The following JAK2 variants were observed in gnomAD, a reference collection of about 807,000 sequenced individuals.
JAK2 encodes the protein Janus kinase 2.
Under a neutral mutation model 139.3 loss-of-function variants are expected in JAK2, and 86 were observed. The observed-to-expected ratio is 0.62, with a 90% CI of 0.52 to 0.74. The LOEUF is 0.74. Among genes scored for constraint, JAK2 ranks in the 30% least tolerant of loss-of-function variants. The probability of loss-of-function intolerance (pLI) is 0.00; values close to 1 mark genes in which losing one functional copy is unlikely to be tolerated. For synonymous variants in JAK2, 490 were observed against 437.7 expected, an observed-to-expected ratio of 1.12 and a Z score of -1.49; for missense variants, 1,421 against 1,360.3, an observed-to-expected ratio of 1.04 and a Z score of -0.70.
At chr9:5,005,771 A>G (rs117324436) in intron 2 of JAK2, among the ~76,000 whole-genome samples, 8,905 of 152,232 alleles carry the variant, frequency 0.058, 345 homozygotes, top group Non-Finnish European at 0.081. Context: ...TTTACCAGCA[A>G]AGTCACTGGG....
chr9:5,018,009 G>C (rs1473665669), intron 2 of JAK2, among the ~76,000 whole-genome samples: 1 of 152,134 alleles, frequency 6.6e-6, no homozygotes, highest in Non-Finnish European at 1.5e-5. Context: ...ATGAGGTTTT[G>C]TAAGTGGCAT....
In JAK2 at chr9:5,076,970, C is replaced by T. The variant is rs143807679; in HGVS notation, c.1865-483C>T. ...TAAAAAAGTTTTAAAGATAAAGCAG[C>T]GCAAAACATTTCTGTATTTTTTGCA... On this transcript the variant is annotated intron_variant, in intron 14 of 24. Transcript: ENST00000381652. Among the ~76,000 whole-genome samples, 789 of 151,782 alleles carry T rather than the reference C, an allele frequency of 5.2e-3. 12 individuals carry two copies. Among genetic ancestry groups the T allele is most frequent in the African/African-American group, 0.018 (759 of 41,428 alleles).
At position 5,127,132 on chromosome 9, in the gene JAK2, G is replaced by T; in HGVS notation, c.*341G>T. 3.7e-6 allele frequency: 1 copy of T among 267,152 alleles called. No homozygotes were observed. The highest frequency in any genetic ancestry group is 7.2e-6 in the Non-Finnish European group (1 of 139,646). 16.5% of individuals were successfully genotyped at this position (267,152 alleles called of 1,614,324 possible). The stretch of plus-strand genomic sequence containing the variant: ...AAAATTATTATGTAAATTTTGCAAT[G>T]TTAAAGATGCACAGAATATGTATGT... On this transcript the variant is annotated 3_prime_UTR_variant, in exon 25 of 25. Coordinates refer to ENST00000381652, the MANE Select transcript of JAK2 (RefSeq NM_004972.4).
intron 2 of JAK2, among the ~76,000 whole-genome samples, chr9:4,996,708 C>T (rs953590720): frequency 6.6e-6 from 1 of 151,834 alleles, no homozygotes; most frequent in African/African-American, 2.4e-5. Flanking sequence ...ACCCCTACCC[C>T]TCCCTGCCAC....
chr9:5,008,026 G>A (rs1327421977), intron 2 of JAK2, among the ~76,000 whole-genome samples: 2 of 152,102 alleles, frequency 1.3e-5, no homozygotes, highest in Non-Finnish European at 2.9e-5. Context: ...ACCGCGCCTG[G>A]CCCTAATAAT....
intron 4 of JAK2, among the ~76,000 whole-genome samples, chr9:5,036,052 T>C (rs982476886): frequency 6.6e-6 from 1 of 152,200 alleles, no homozygotes; most frequent in Non-Finnish European, 1.5e-5. Flanking sequence ...ACAAAATCAA[T>C]GTGCAAAAAT....
intron 7 of JAK2, 59 bp from the exon 8 acceptor site, chr9:5,055,610 G>C: frequency 7.4e-7 from 1 of 1,342,716 alleles, no homozygotes. Flanking sequence ...CTTAAGTCTT[G>C]TTTTAAAATG....
intron 19 of JAK2, among the ~76,000 whole-genome samples, chr9:5,082,776 C>A (rs1819798411): frequency 6.6e-6 from 1 of 152,236 alleles, no homozygotes; most frequent in Non-Finnish European, 1.5e-5. Context: ...AGCATACTGC[C>A]TGTACACATT....
At chr9:5,082,228 T>C (rs1186666564) in intron 19 of JAK2, among the ~76,000 whole-genome samples, 1 of 152,198 alleles carries the variant, frequency 6.6e-6, no homozygotes, top group Non-Finnish European at 1.5e-5. Flanking sequence ...CTGTTTTCAC[T>C]ATCTCAGCAA....
At chr9:5,113,549 G>A (rs751195285) in intron 22 of JAK2, 9 of 153,784 alleles carry the variant, frequency 5.9e-5, no homozygotes, top group African/African-American at 9.8e-5. Context: ...TGACTGTCCC[G>A]CCTCCACACA....
rs200835745 is a variant in JAK2, at chr9:5,090,612, T to C, written c.2886+42T>C. The C allele has an allele frequency of 2.6e-4, 407 of 1,548,438 alleles. No homozygotes were observed. In the African/African-American group the frequency reaches 5.2e-3, roughly 20 times the overall value. On this transcript the variant is annotated intron_variant, in intron 21 of 24. Coordinates refer to ENST00000381652, the MANE Select transcript of JAK2 (RefSeq NM_004972.4). ...TTATTTGCTGTAGATGAAGCAACCG[T>C]GTTGAAGTAGACATTAGGAAATCAT...
At chr9:5,092,528 A>C (rs1156435967) in intron 22 of JAK2, among the ~76,000 whole-genome samples, 2 of 152,180 alleles carry the variant, frequency 1.3e-5, no homozygotes, top group Admixed American at 1.3e-4. Context: ...ATCGTAATCA[A>C]ACCATTTACC....
intron 2 of JAK2, among the ~76,000 whole-genome samples, chr9:4,998,159 G>A (rs1273979445): frequency 1.3e-5 from 2 of 151,808 alleles, no homozygotes; most frequent in East Asian, 1.9e-4. Flanking sequence ...AGACAAACTC[G>A]TCACTTCTTA....
chr9:5,040,752 G>A (rs1162740247), intron 4 of JAK2, among the ~76,000 whole-genome samples: 1 of 152,266 alleles, frequency 6.6e-6, no homozygotes, highest in Non-Finnish European at 1.5e-5. Context: ...CCGGGACCGT[G>A]GTGTGCCAGG....
intron 22 of JAK2, chr9:5,110,523 C>A (rs1200744132): frequency 6.4e-6 from 1 of 156,516 alleles, no homozygotes; most frequent in Non-Finnish European, 1.4e-5. Context: ...CAATGATGAA[C>A]AAGATATTTG....
chr9:5,112,656 T>A, intron 22 of JAK2: 1 of 984,048 alleles, frequency 1.0e-6, no homozygotes, highest in Non-Finnish European at 1.4e-6. Flanking sequence ...ACCAAACTCC[T>A]TATCCTGCAC....
At chr9:4,998,438 G>T (rs879440880) in intron 2 of JAK2, among the ~76,000 whole-genome samples, 9 of 152,030 alleles carry the variant, frequency 5.9e-5, no homozygotes, top group Non-Finnish European at 1.3e-4. Flanking sequence ...TGTATTTTTA[G>T]TAGAGACGGG....
intron 3 of JAK2, among the ~76,000 whole-genome samples, chr9:5,028,255 G>C (rs1316424805): frequency 1.3e-5 from 2 of 152,178 alleles, no homozygotes; most frequent in Non-Finnish European, 2.9e-5. Context: ...CAGAGCTCTT[G>C]GGTGACCAGG....
intron 4 of JAK2, among the ~76,000 whole-genome samples, chr9:5,038,080 A>G (rs184719503): frequency 1.3e-5 from 2 of 152,266 alleles, no homozygotes; most frequent in Admixed American, 1.3e-4. Context: ...GATGCTGAGA[A>G]TTTTTTGAAA....
Sources: gnomAD v4.1 joint callset for allele counts (sites outside exome capture counted in the v4.1 genomes callset) on GRCh38, gnomAD v4.1.1 for gene constraint, MANE v1.5 for transcripts, NCBI Gene and HGNC (gene_info 2026-07-23, HGNC 2026-07-21) for gene names.